Variants in BPNT1 observed in about 807,000 individuals in gnomAD.
BPNT1 encodes 3'(2'),5'-bisphosphate nucleotidase 1.
BPNT1 carries 28 observed loss-of-function variants against 36.9 expected under a neutral mutation model. The ratio of observed to expected loss-of-function variants is 0.76; its 90% confidence interval spans 0.56 to 1.04. BPNT1 has a LOEUF of 1.04. BPNT1 is among the 50% of genes least tolerant of loss of function. The pLI is 0.00. For missense variants in BPNT1, 313 were observed against 372.9 expected (o/e 0.84, Z 1.32); for synonymous variants, 119 against 130.9 (o/e 0.91, Z 0.62).
intron 1 of BPNT1, among the ~76,000 whole-genome samples, chr1:220,081,728 A>G (rs1047633367): frequency 6.6e-6 from 1 of 151,934 alleles, no homozygotes; most frequent in Non-Finnish European, 1.5e-5. Flanking sequence ...ACTTCACCTG[A>G]AACGTCACAA....
chr1:220,086,874 G>C (rs1190223680), intron 1 of BPNT1, among the ~76,000 whole-genome samples: 1 of 150,442 alleles, frequency 6.6e-6, no homozygotes, highest in Non-Finnish European at 1.5e-5. Flanking sequence ...GGCCTGAGTT[G>C]CTAAACTTAA....
intron 2 of BPNT1, 151 bp from the exon 3 acceptor site, chr1:220,074,222 T>C: frequency 3.1e-6 from 2 of 637,204 alleles, no homozygotes; most frequent in South Asian, 2.4e-5. Flanking sequence ...GTTTCTTGCC[T>C]TGGTTTTTCT....
Position 220,062,756 on chromosome 1 carries a change from C to T in BPNT1, c.672+1G>A, listed in dbSNP as rs369545122. 6.2e-7 allele frequency: 1 copy of T among 1,613,974 alleles called. No individual in the cohort carries two copies. Among genetic ancestry groups the T allele is most frequent in the African/African-American group, 1.3e-5 (1 of 74,940 alleles). ...GAGCAGATGACAGACATTTTTCATA[C>T]CTTATTTCCTGCTCCTCCTACTCGC... is the stretch of plus-strand genomic sequence containing the variant. On this transcript the variant is annotated splice_donor_variant, in intron 7 of 8. Coordinates refer to ENST00000322067, the MANE Select transcript of BPNT1 (RefSeq NM_006085.6). LOFTEE classifies it high-confidence loss of function.
intron 2 of BPNT1, among the ~76,000 whole-genome samples, chr1:220,077,404 T>C (rs1664647449): frequency 6.6e-6 from 1 of 152,074 alleles, no homozygotes; most frequent in East Asian, 1.9e-4. Context: ...TTTTTAATAT[T>C]ATTTATTTAT....
rs1427173187 is a variant in BPNT1, at chr1:220,079,929, A to AAC, written c.-8-77_-8-76dup. On this transcript the variant is annotated intron_variant, in intron 1 of 8. Transcript: ENST00000322067. ...GGTTTTATTTATTTAAATCCAACTC[A>AAC]ACACATATTAATTGAGTGCTAACTT... is the stretch of plus-strand genomic sequence containing the variant. 5 of 1,437,314 alleles carry AAC rather than the reference A, an allele frequency of 3.5e-6. No homozygotes were observed. In the African/African-American group the frequency reaches 7.1e-5, roughly 20 times the overall value. 89.0% of individuals were successfully genotyped at this position (1,437,314 alleles called of 1,614,324 possible).
At chr1:220,065,403 A>T (rs1663450469) in intron 6 of BPNT1, among the ~76,000 whole-genome samples, 1 of 152,222 alleles carries the variant, frequency 6.6e-6, no homozygotes, top group African/African-American at 2.4e-5. Flanking sequence ...TTTTCTGACA[A>T]TTAAGCTTCA....
chr1:220,068,376 GT>G (rs1187804653), intron 5 of BPNT1, among the ~76,000 whole-genome samples: 1 of 151,888 alleles, frequency 6.6e-6, no homozygotes, highest in Non-Finnish European at 1.5e-5. Flanking sequence ...GAGAGAAGGT[GT>G]TTCACCATGT....
intron 1 of BPNT1, among the ~76,000 whole-genome samples, chr1:220,083,841 C>CT (rs1463023464): frequency 6.6e-6 from 1 of 152,038 alleles, no homozygotes; most frequent in Non-Finnish European, 1.5e-5. Context: ...AACTGTGGGA[C>CT]TTGAGTATGT....
chr1:220,078,714 C>T (rs12145672), intron 2 of BPNT1, among the ~76,000 whole-genome samples: 67,651 of 151,160 alleles, frequency 0.45, 16,141 homozygotes, highest in Non-Finnish European at 0.54. Flanking sequence ...TCTCCTGCCT[C>T]AGCCTCCTGA....
chr1:220,072,926 A>C lies in BPNT1; in HGVS notation c.257T>G (p.Leu86Arg), dbSNP rs752142105. 25 of 1,614,142 alleles carry C rather than the reference A, an allele frequency of 1.5e-5. No homozygotes were observed. Among genetic ancestry groups the C allele is most frequent in the Non-Finnish European group, 2.1e-5 (25 of 1,180,000 alleles). The change falls in exon 4 of 9, where the codon CTG becomes CGG. Residue 86 changes from leucine to arginine, a missense_variant. Physicochemically the swap from Leu to Arg is moderately radical, Grantham distance 102. Transcript: ENST00000322067. ...DLPSEEVDQE[L>R]IEDSQWEEIL... ...TTCTTCCCACTGACTGTCTTCAATC[A>C]GCTCTTGATCCACTTCCTCAGAAGG... is the stretch of plus-strand genomic sequence containing the variant.
At chr1:220,078,349 T>C (rs1664751873) in intron 2 of BPNT1, among the ~76,000 whole-genome samples, 1 of 144,096 alleles carries the variant, frequency 6.9e-6, no homozygotes, top group Non-Finnish European at 1.5e-5. Context: ...TTAATAATAA[T>C]TTATAATAAC....
chr1:220,080,078 T>A (rs1294094657), intron 1 of BPNT1, among the ~76,000 whole-genome samples: 2 of 152,194 alleles, frequency 1.3e-5, no homozygotes, highest in African/African-American at 4.8e-5. Context: ...TCTCTGCAGA[T>A]GAGACATGTC....
In BPNT1 at chr1:220,068,717, G is replaced by T. The variant is rs373615818; in HGVS notation, c.382+667C>A. ...TCCCCGCTACTTGGGAGGTGAGGCAGGAGAACAGCTTGAACCTGGGAGGCA... is the reference window on the plus strand; with the variant it reads ...TCCCCGCTACTTGGGAGGTGAGGCATGAGAACAGCTTGAACCTGGGAGGCA... On this transcript the variant is annotated intron_variant, in intron 5 of 8. Transcript: ENST00000322067. 6.4e-4 allele frequency among the ~76,000 whole-genome samples: 98 copies of T among 152,208 alleles called. No individual in the cohort carries two copies. The South Asian group carries it at 8.9e-3, about 14-fold the overall frequency.
At chr1:220,065,706 A>G (rs1209278458) in intron 6 of BPNT1, among the ~76,000 whole-genome samples, 1 of 152,212 alleles carries the variant, frequency 6.6e-6, no homozygotes, top group Non-Finnish European at 1.5e-5. Flanking sequence ...TTAGTATTCA[A>G]TGAAAGGATA....
At chr1:220,061,966 T>C (rs1003308726) in intron 7 of BPNT1, among the ~76,000 whole-genome samples, 2 of 151,710 alleles carry the variant, frequency 1.3e-5, no homozygotes, top group African/African-American at 4.8e-5. Flanking sequence ...AGAGGGTCCT[T>C]GGGAAAATAA....
intron 4 of BPNT1, 92 bp from the exon 5 acceptor site, chr1:220,069,524 C>G: frequency 2.0e-6 from 2 of 977,456 alleles, no homozygotes; most frequent in Non-Finnish European, 1.5e-6. Context: ...TCTTTTTTTC[C>G]TGTTTGAAAT....
intron 5 of BPNT1, 71 bp downstream of exon 5, chr1:220,069,313 T>G: frequency 8.2e-7 from 1 of 1,221,984 alleles, no homozygotes; most frequent in Non-Finnish European, 1.2e-6. Context: ...ATACAAAATA[T>G]CAAATATTTA....
At chr1:220,066,179 T>G in intron 6 of BPNT1, 1 of 1,247,952 alleles carries the variant, frequency 8.0e-7, no homozygotes, top group Non-Finnish European at 1.1e-6. Context: ...TATTAACTCC[T>G]AAGCACTTAG....
chr1:220,069,430 G>C lies in BPNT1; in HGVS notation c.336C>G (p.Leu112=), dbSNP rs373649346. The C allele has an allele frequency of 5.0e-6, 8 of 1,599,204 alleles. No homozygotes were observed. The highest frequency in any genetic ancestry group is 6.8e-6 in the Non-Finnish European group (8 of 1,173,784). ...SQYSAIKEED[L]VVWVDPLDGT... is the part of the protein sequence containing the mutation. Reference sequence around the variant, plus strand: ...CATCCAGAGGATCAACCCAGACCACGAGCTAAAATTAAAAAGAGAGAAGGA... The same window carrying C: ...CATCCAGAGGATCAACCCAGACCACCAGCTAAAATTAAAAAGAGAGAAGGA... Residue 112 remains leucine, a splice_region_variant and synonymous_variant, in exon 5 of 9, where the codon CTC becomes CTG. Transcript: ENST00000322067.
Sources: gnomAD v4.1 joint callset for allele counts (sites outside exome capture counted in the v4.1 genomes callset) on GRCh38, gnomAD v4.1.1 for gene constraint, MANE v1.5 for transcripts, NCBI Gene and HGNC (gene_info 2026-07-23, HGNC 2026-07-21) for gene names.